The following PIAS1 variants were observed in gnomAD, a reference collection of about 807,000 sequenced individuals.
The protein encoded by PIAS1 is E3 SUMO-protein ligase PIAS1.
In PIAS1, 6 loss-of-function variants were observed where a neutral mutation model predicts 71.3. The observed-to-expected ratio is 0.08, with a 90% CI of 0.05 to 0.17. PIAS1 has a LOEUF of 0.17. Ranked by LOEUF, PIAS1 falls within the 10% of genes least tolerant of loss-of-function variation. PIAS1 has a pLI of 1.00. For missense variants in PIAS1, 555 were observed against 793.6 expected, an observed-to-expected ratio of 0.70 and a Z score of 3.61; for synonymous variants, 303 against 292.9, an observed-to-expected ratio of 1.03 and a Z score of -0.35.
At chr15:68,145,611 A>G (rs1343006583) in intron 4 of PIAS1, among the ~76,000 whole-genome samples, 1 of 152,216 alleles carries the variant, frequency 6.6e-6, no homozygotes, top group Non-Finnish European at 1.5e-5. Flanking sequence ...GGTGATAGTC[A>G]TGATTACCAC....
Position 68,187,412 on chromosome 15 carries a change from C to T in PIAS1, c.1663-130C>T. On this transcript the variant is annotated intron_variant, in intron 13 of 13. Transcript: ENST00000249636. This position sits in a 1 kb window ranked among gnomAD's most constrained non-coding sequence, Gnocchi z 5.3. ...AAGGCCATTTGATTTTGCAAAATGTCTTAGTAAATATTTCAGAAACCCTAG... is the reference window on the plus strand; with the variant it reads ...AAGGCCATTTGATTTTGCAAAATGTTTTAGTAAATATTTCAGAAACCCTAG... 1 of 801,306 alleles carries T rather than the reference C, an allele frequency of 1.2e-6. No homozygotes were observed. Among genetic ancestry groups the T allele is most frequent in the Non-Finnish European group, 2.0e-6 (1 of 510,694 alleles). The allele number at this position is 801,306 out of a possible 1,614,324, so 49.6% of individuals were successfully genotyped here.
At chr15:68,103,146 C>T (rs748412828) in intron 2 of PIAS1, among the ~76,000 whole-genome samples, 6 of 152,002 alleles carry the variant, frequency 3.9e-5, no homozygotes, top group Admixed American at 6.6e-5. Flanking sequence ...AGGCTGGTCT[C>T]GAACTCCTGG....
At chr15:68,131,788 G>A (rs541775934) in intron 2 of PIAS1, among the ~76,000 whole-genome samples, 1 of 152,070 alleles carries the variant, frequency 6.6e-6, no homozygotes, top group Non-Finnish European at 1.5e-5. Context: ...TCCGTACTTG[G>A]TATTTTGAAT....
At chr15:68,055,736 C>T (rs1160023733) in intron 1 of PIAS1, 1 of 503,858 alleles carries the variant, frequency 2.0e-6, no homozygotes, top group Non-Finnish European at 3.5e-6. Flanking sequence ...GGAGAGTCTT[C>T]TTTTTATAAT....
chr15:68,129,430 A>G (rs1358907599), intron 2 of PIAS1, among the ~76,000 whole-genome samples: 2 of 152,164 alleles, frequency 1.3e-5, no homozygotes, highest in Admixed American at 1.3e-4. Context: ...CGTAAACATA[A>G]TAGCTAATTC....
intron 1 of PIAS1, among the ~76,000 whole-genome samples, chr15:68,067,442 T>C (rs200373652): frequency 4.5e-4 from 67 of 147,642 alleles, no homozygotes; most frequent in African/African-American, 1.6e-3. Flanking sequence ...TATTTTTTTT[T>C]CTTTTTGTCC....
At chr15:68,166,976 C>G (rs1454444493) in intron 8 of PIAS1, among the ~76,000 whole-genome samples, 4 of 152,164 alleles carry the variant, frequency 2.6e-5, no homozygotes, top group Non-Finnish European at 1.5e-5. Flanking sequence ...CCGGCATGTG[C>G]CACCACACCC....
chr15:68,113,566 A>T (rs974904865), intron 2 of PIAS1, among the ~76,000 whole-genome samples: 1 of 152,050 alleles, frequency 6.6e-6, no homozygotes, highest in Admixed American at 6.6e-5. Flanking sequence ...TATTTACCAT[A>T]CTTTTAACTC....
chr15:68,189,609 GAAAA>G lies in PIAS1; in HGVS notation c.*1781_*1784del, dbSNP rs375266651. The G allele has an allele frequency of 2.7e-5, 4 of 148,516 alleles. No individual in the cohort carries two copies. Among genetic ancestry groups the G allele is most frequent in the Admixed American group, 6.7e-5 (1 of 14,904 alleles). The allele number at this position is 148,516 out of a possible 1,614,324, so 9.2% of individuals were successfully genotyped here. On this transcript the variant is annotated 3_prime_UTR_variant, in exon 14 of 14. Transcript: ENST00000249636. Reference sequence around the variant, plus strand: ...ACTAAATTGTTGACTTGAATTTTGGGAAAAAAAAAAGTTGGTGTTGATATGTATA... The same window carrying G: ...ACTAAATTGTTGACTTGAATTTTGGGAAAAAAGTTGGTGTTGATATGTATA...
chr15:68,066,980 G>A (rs1468041815), intron 1 of PIAS1, among the ~76,000 whole-genome samples: 1 of 152,170 alleles, frequency 6.6e-6, no homozygotes, highest in African/African-American at 2.4e-5. Flanking sequence ...ATAATCTCTT[G>A]TTGAGGCTAC....
intron 1 of PIAS1, among the ~76,000 whole-genome samples, chr15:68,070,996 A>C (rs550342131): frequency 5.9e-5 from 9 of 152,206 alleles, no homozygotes; most frequent in Admixed American, 1.3e-4. Context: ...CTTACATTGT[A>C]TTTCCTTTGA....
At chr15:68,098,308 G>A (rs183283608) in intron 2 of PIAS1, among the ~76,000 whole-genome samples, 121 of 152,234 alleles carry the variant, frequency 7.9e-4, no homozygotes, top group African/African-American at 2.8e-3. Context: ...AAAAGAAACT[G>A]TTACTAAGAA....
chr15:68,168,530 A>G (rs924357244), intron 8 of PIAS1, among the ~76,000 whole-genome samples: 4 of 152,174 alleles, frequency 2.6e-5, no homozygotes, highest in African/African-American at 9.7e-5. Context: ...TTTGCAAATA[A>G]TGCAAACATA....
intron 2 of PIAS1, among the ~76,000 whole-genome samples, chr15:68,091,087 A>G (rs1394494751): frequency 1.3e-5 from 2 of 152,108 alleles, no homozygotes; most frequent in Non-Finnish European, 2.9e-5. Flanking sequence ...TGTTGAGCAC[A>G]TGTGTTAAGG....
intron 2 of PIAS1, among the ~76,000 whole-genome samples, chr15:68,137,122 G>A (rs991012711): frequency 6.6e-6 from 1 of 152,082 alleles, no homozygotes; most frequent in Non-Finnish European, 1.5e-5. Context: ...CGATGTGTCA[G>A]GATTCATAAA....
intron 1 of PIAS1, among the ~76,000 whole-genome samples, chr15:68,064,036 T>TA (rs1393398211): frequency 4.6e-5 from 7 of 152,212 alleles, no homozygotes; most frequent in African/African-American, 1.7e-4. Context: ...AAAGTACCTG[T>TA]AAAACACTTT....
chr15:68,157,003 G>A (rs2092894787), intron 7 of PIAS1, among the ~76,000 whole-genome samples: 2 of 152,202 alleles, frequency 1.3e-5, no homozygotes, highest in Non-Finnish European at 2.9e-5. Flanking sequence ...GTGGTAGATA[G>A]AAGTTGACAG....
chr15:68,154,122 T>C (rs1317528845), intron 7 of PIAS1, among the ~76,000 whole-genome samples: 2 of 152,162 alleles, frequency 1.3e-5, no homozygotes, highest in African/African-American at 2.4e-5. Flanking sequence ...ATTAATCAAT[T>C]ATATGACTGT....
intron 2 of PIAS1, among the ~76,000 whole-genome samples, chr15:68,099,274 A>G (rs1371551026): frequency 7.6e-6 from 1 of 132,310 alleles, no homozygotes; most frequent in East Asian, 2.2e-4. Context: ...TTTTTTTTTT[A>G]CTCTTCAAAG....
Sources: allele counts gnomAD v4.1 joint callset (sites outside exome capture counted in the v4.1 genomes callset), GRCh38; gene constraint gnomAD v4.1.1; non-coding constraint Gnocchi (gnomAD v3.1); transcripts MANE v1.5; gene names NCBI Gene and HGNC (gene_info 2026-07-23, HGNC 2026-07-21).